The following F13A1 variants were observed in gnomAD, a reference collection of about 807,000 sequenced individuals.
F13A1 encodes the protein coagulation factor XIII A chain, also known as FSF, A subunit.
In F13A1, 47 loss-of-function variants were observed where a neutral mutation model predicts 80.1. The observed-to-expected ratio is 0.59, with a 90% confidence interval of 0.46 to 0.75. The LOEUF (loss-of-function observed/expected upper bound fraction) is 0.75, where lower values mean the gene tolerates loss of function less well. Ranked by LOEUF, F13A1 falls within the 30% of genes least tolerant of loss-of-function variation. The pLI is 0.00. For missense variants in F13A1, 817 were observed against 930.4 expected (o/e 0.88, Z 1.59); for synonymous variants, 349 against 344.9 (o/e 1.01, Z -0.13).
intron 6 of F13A1, among the ~76,000 whole-genome samples, chr6:6,228,478 A>G (rs1284107925): frequency 2.0e-5 from 3 of 152,142 alleles, no homozygotes; most frequent in South Asian, 2.1e-4. Flanking sequence ...CCAGGCATGT[A>G]ATCCCAGCCC....
intron 3 of F13A1, among the ~76,000 whole-genome samples, chr6:6,272,358 CCT>C (rs1757932427): frequency 2.0e-5 from 3 of 152,164 alleles, no homozygotes; most frequent in Admixed American, 1.3e-4. Flanking sequence ...TCTGACTCCA[CCT>C]CTCTCATGCC....
intron 13 of F13A1, among the ~76,000 whole-genome samples, chr6:6,160,259 A>C (rs1425687243): frequency 6.9e-6 from 1 of 144,612 alleles, no homozygotes; most frequent in Admixed American, 6.8e-5. Context: ...CCTGGGGGAC[A>C]GAGTGAGACT....
chr6:6,193,968 A>G (rs183558719), intron 10 of F13A1, among the ~76,000 whole-genome samples: 62 of 152,290 alleles, frequency 4.1e-4, no homozygotes, highest in Admixed American at 3.5e-3. Flanking sequence ...TGAGATGAAC[A>G]CTGGTCTTTT....
chr6:6,220,161 A>G (rs1757171161), intron 8 of F13A1, among the ~76,000 whole-genome samples: 1 of 152,164 alleles, frequency 6.6e-6, no homozygotes, highest in African/African-American at 2.4e-5. Context: ...AGTCAGTCAG[A>G]GCATCTGATC....
At chr6:6,253,661 C>A (rs532550915) in intron 4 of F13A1, among the ~76,000 whole-genome samples, 1 of 152,276 alleles carries the variant, frequency 6.6e-6, no homozygotes, top group South Asian at 2.1e-4. Context: ...TTGTATGCCA[C>A]TAAGATTTTC....
Position 6,240,788 on chromosome 6 carries a change from T to C in F13A1, c.798+7524A>G, listed in dbSNP as rs147317922. Reference sequence around the variant, plus strand: ...AGGTGACCTTATGGTATTGTTTACTTTGAATACATTAGAGAATTGCTTTGA... The same window carrying C: ...AGGTGACCTTATGGTATTGTTTACTCTGAATACATTAGAGAATTGCTTTGA... On this transcript the variant is annotated intron_variant, in intron 6 of 14. Transcript: ENST00000264870. Among the ~76,000 whole-genome samples, 62 of 152,362 alleles carry C rather than the reference T, an allele frequency of 4.1e-4. 2 individuals carry two copies. The East Asian group carries it at 0.012, about 29-fold the overall frequency.
chr6:6,296,276 T>C (rs1384173156), intron 3 of F13A1, among the ~76,000 whole-genome samples: 7,566 of 150,798 alleles, frequency 0.05, 503 homozygotes, highest in African/African-American at 0.15. Context: ...TTTCCAATTC[T>C]GTGAAGAAAG....
chr6:6,234,507 TA>T (rs1360855445), intron 6 of F13A1, among the ~76,000 whole-genome samples: 1 of 151,956 alleles, frequency 6.6e-6, no homozygotes, highest in Non-Finnish European at 1.5e-5. Flanking sequence ...GAGAAAACTC[TA>T]TATAAGTTAA....
chr6:6,313,129 T>C (rs1011153716), intron 2 of F13A1, among the ~76,000 whole-genome samples: 1 of 152,150 alleles, frequency 6.6e-6, no homozygotes, highest in Non-Finnish European at 1.5e-5. Flanking sequence ...AGCATATTGA[T>C]TTTTGCTTTG....
intron 5 of F13A1, among the ~76,000 whole-genome samples, chr6:6,248,766 A>G (rs1757589937): frequency 6.6e-6 from 1 of 152,246 alleles, no homozygotes. Context: ...AGAAGAAGGA[A>G]TGAATCATTT....
chr6:6,274,865 A>T (rs1167109866), intron 3 of F13A1, among the ~76,000 whole-genome samples: 1 of 152,212 alleles, frequency 6.6e-6, no homozygotes, highest in Non-Finnish European at 1.5e-5. Context: ...GGGAGTAACC[A>T]ACTGAGGGAA....
intron 14 of F13A1, among the ~76,000 whole-genome samples, chr6:6,148,801 A>C (rs1760326817): frequency 6.6e-6 from 1 of 152,168 alleles, no homozygotes. Context: ...GTCTCTGAGA[A>C]ATAAAGCTTC....
chr6:6,207,261 G>C (rs913747753), intron 8 of F13A1, among the ~76,000 whole-genome samples: 1 of 152,114 alleles, frequency 6.6e-6, no homozygotes, highest in South Asian at 2.1e-4. Context: ...TGAACACTCC[G>C]AAAGCTCTTT....
Position 6,243,076 on chromosome 6 carries a change from T to C in F13A1, c.798+5236A>G, listed in dbSNP as rs1022835629. 1.3e-5 allele frequency among the ~76,000 whole-genome samples: 2 copies of C among 152,124 alleles called. No homozygotes were observed. The highest frequency in any genetic ancestry group is 1.5e-5 in the Non-Finnish European group (1 of 68,020). On this transcript the variant is annotated intron_variant, in intron 6 of 14. Coordinates refer to ENST00000264870, the MANE Select transcript of F13A1 (RefSeq NM_000129.4). The surrounding 1 kb of genome is among the most constrained non-coding windows in gnomAD (Gnocchi z 4.2). ...TTGCCATAAACATTTGTCAAACAAA[T>C]GAGTAAATACTGAGTGTTTTACCAC...
At chr6:6,289,333 C>T (rs1159472081) in intron 3 of F13A1, among the ~76,000 whole-genome samples, 1 of 152,124 alleles carries the variant, frequency 6.6e-6, no homozygotes, top group African/African-American at 2.4e-5. Flanking sequence ...CCTGAGATGG[C>T]CTACAAATGG....
At chr6:6,235,097 G>A (rs1561663622) in intron 6 of F13A1, among the ~76,000 whole-genome samples, 2 of 151,884 alleles carry the variant, frequency 1.3e-5, no homozygotes, top group Non-Finnish European at 2.9e-5. Flanking sequence ...GCAAAAATAC[G>A]AGCTTTGATT....
At chr6:6,167,011 G>T (rs1020888911) in intron 13 of F13A1, among the ~76,000 whole-genome samples, 1 of 152,168 alleles carries the variant, frequency 6.6e-6, no homozygotes, top group Non-Finnish European at 1.5e-5. Flanking sequence ...TGTATATTTT[G>T]ATCTGTGCAA....
At chr6:6,277,998 G>A (rs1758011407) in intron 3 of F13A1, among the ~76,000 whole-genome samples, 2 of 152,120 alleles carry the variant, frequency 1.3e-5, no homozygotes, top group Admixed American at 1.3e-4. Flanking sequence ...CAGCCTGTCC[G>A]GATAGTCACT....
chr6:6,216,143 C>T (rs1415168376), intron 8 of F13A1, among the ~76,000 whole-genome samples: 8 of 151,826 alleles, frequency 5.3e-5, no homozygotes, highest in African/African-American at 1.7e-4. Flanking sequence ...ATCAAGCTAC[C>T]AGTGACTTTC....
Sources: gnomAD v4.1 joint callset for allele counts (sites outside exome capture counted in the v4.1 genomes callset) on GRCh38, gnomAD v4.1.1 for gene constraint, Gnocchi (gnomAD v3.1) non-coding constraint, MANE v1.5 for transcripts, NCBI Gene and HGNC (gene_info 2026-07-23, HGNC 2026-07-21) for gene names.